Variants in CSMD3 observed in about 807,000 individuals in gnomAD.
CSMD3 encodes the protein CUB and sushi domain-containing protein 3.
Under a neutral mutation model 435.2 loss-of-function variants are expected in CSMD3, and 177 were observed. The ratio of observed to expected loss-of-function variants is 0.41; its 90% CI spans 0.36 to 0.46. The LOEUF (loss-of-function observed/expected upper bound fraction) is 0.46, where lower values mean the gene tolerates loss of function less well. Among genes scored for constraint, CSMD3 ranks in the 20% least tolerant of loss-of-function variants. CSMD3 has a pLI of 0.34. For synonymous variants in CSMD3, 1,656 were observed against 1,520.5 expected (o/e 1.09, Z -2.07); for missense variants, 4,265 against 4,504.6 (o/e 0.95, Z 1.52).
intron 35 of CSMD3, among the ~76,000 whole-genome samples, chr8:112,391,970 T>C (rs923564857): frequency 6.6e-6 from 1 of 152,166 alleles, no homozygotes; most frequent in African/African-American, 2.4e-5. Context: ...TCTGTGTGAC[T>C]TTGACCTGTT....
chr8:112,507,719 T>C (rs2130937341), intron 28 of CSMD3, among the ~76,000 whole-genome samples: 1 of 152,326 alleles, frequency 6.6e-6, no homozygotes. Flanking sequence ...ATTTTGATTC[T>C]GGCAACATTT....
intron 3 of CSMD3, among the ~76,000 whole-genome samples, chr8:113,259,568 G>A (rs2093410427): frequency 6.8e-6 from 1 of 147,054 alleles, no homozygotes; most frequent in South Asian, 2.2e-4. Context: ...TAGAACATGA[G>A]TGTAGGTAGA....
chr8:113,416,736 T>C (rs1482235869), intron 1 of CSMD3, among the ~76,000 whole-genome samples: 1 of 152,150 alleles, frequency 6.6e-6, no homozygotes, highest in Non-Finnish European at 1.5e-5. Context: ...TAGTGAATTA[T>C]AAAGCTTTCA....
At position 113,164,374 on chromosome 8, in the gene CSMD3, G is replaced by A. The variant is rs969167851; in HGVS notation, c.709+9348C>T. Among the ~76,000 whole-genome samples, 9 of 150,602 alleles carry A rather than the reference G, an allele frequency of 6.0e-5. No individual in the cohort carries two copies. In the South Asian group the frequency reaches 1.5e-3, roughly 24 times the overall value. On this transcript the variant is annotated intron_variant, in intron 4 of 70. Coordinates refer to ENST00000297405, the MANE Select transcript of CSMD3 (RefSeq NM_198123.2). ...TACTATAGTAACTTCAACAAATGTCGGGAGCAGTAAATGGAAATTGCCTTG... is the reference window on the plus strand; with the variant it reads ...TACTATAGTAACTTCAACAAATGTCAGGAGCAGTAAATGGAAATTGCCTTG...
chr8:112,829,740 G>A lies in CSMD3; in HGVS notation c.1805C>T (p.Thr602Ile), dbSNP rs754805822. ...EEFDLEIGYD[T>I]LTIGDGGEVG... ...TTCGCCCCCATCGCCAATTGTCAAG[G>A]TATCATAGCCAATCTCCAGATCAAA... Residue 602 changes from threonine (T) to isoleucine (I), a missense_variant, in exon 12 of 71, where the codon ACC (threonine) becomes ATC (isoleucine). Thr to Ile is a moderately conservative substitution (Grantham distance 89). Transcript: ENST00000297405. 8.7e-6 allele frequency: 14 copies of A among 1,613,166 alleles called. No individual in the cohort carries two copies. Among genetic ancestry groups the A allele is most frequent in the Non-Finnish European group, 1.0e-5 (12 of 1,179,450 alleles).
At chr8:113,223,713 CT>C (rs549230261) in intron 3 of CSMD3, among the ~76,000 whole-genome samples, 64 of 148,084 alleles carry the variant, frequency 4.3e-4, no homozygotes, top group African/African-American at 1.4e-3. Context: ...ATATCAGGCA[CT>C]TTTTAAGGCA....
intron 31 of CSMD3, among the ~76,000 whole-genome samples, chr8:112,477,313 T>C (rs866333474): frequency 6.6e-6 from 1 of 152,194 alleles, no homozygotes; most frequent in Non-Finnish European, 1.5e-5. Context: ...ATATATCCAA[T>C]GGTAAGATGC....
chr8:113,235,153 C>T (rs973780606), intron 3 of CSMD3, among the ~76,000 whole-genome samples: 7 of 152,102 alleles, frequency 4.6e-5, no homozygotes, highest in African/African-American at 1.7e-4. Context: ...ATAGTAGATA[C>T]AGCAGTCATT....
chr8:112,241,846 AC>A lies in CSMD3; in HGVS notation c.10403-62del. 8.2e-6 allele frequency: 6 copies of A among 735,858 alleles called. No individual in the cohort carries two copies. In the East Asian group the frequency reaches 1.4e-4, roughly 17 times the overall value. The allele number at this position is 735,858 out of a possible 1,614,324, so 45.6% of individuals were successfully genotyped here. On this transcript the variant is annotated intron_variant, in intron 65 of 70. Transcript: ENST00000297405. ...TGCAATTAATTACATACACATGCGC[AC>A]ACACACACACGCACACACACACACA...
At chr8:112,582,708 C>A (rs1384203198) in intron 23 of CSMD3, among the ~76,000 whole-genome samples, 1 of 151,832 alleles carries the variant, frequency 6.6e-6, no homozygotes, top group African/African-American at 2.4e-5. Flanking sequence ...TATTTGTGTC[C>A]CCCCAAATTT....
chr8:112,314,621 T>G lies in CSMD3; in HGVS notation c.7361-4A>C, dbSNP rs1469267241. 1 of 1,607,164 alleles carries G rather than the reference T, an allele frequency of 6.2e-7. No homozygotes were observed. The highest frequency in any genetic ancestry group is 1.3e-5 in the African/African-American group (1 of 74,856). On this transcript the variant is annotated splice_region_variant and splice_polypyrimidine_tract_variant and intron_variant, in intron 47 of 70. Coordinates refer to ENST00000297405, the MANE Select transcript of CSMD3 (RefSeq NM_198123.2). The stretch of plus-strand genomic sequence containing the variant: ...AATTCATTGGCAGGACAGAGCACTG[T>G]CAAAGAAAAATGTCATTAAATAATG...
intron 47 of CSMD3, among the ~76,000 whole-genome samples, chr8:112,317,695 C>T (rs1009611623): frequency 1.3e-5 from 2 of 152,002 alleles, no homozygotes; most frequent in African/African-American, 4.8e-5. Flanking sequence ...CTCACATTGG[C>T]TCCAATTTAT....
intron 1 of CSMD3, among the ~76,000 whole-genome samples, chr8:113,343,819 C>G (rs910698253): frequency 6.6e-6 from 1 of 152,122 alleles, no homozygotes; most frequent in Non-Finnish European, 1.5e-5. Flanking sequence ...TGCCTGTAAT[C>G]CCAGCACTTT....
intron 5 of CSMD3, among the ~76,000 whole-genome samples, chr8:113,035,599 A>G (rs1205215585): frequency 4.6e-5 from 7 of 152,036 alleles, no homozygotes; most frequent in Non-Finnish European, 1.0e-4. Context: ...GTCAAAATAC[A>G]TAATGTTTTA....
chr8:112,224,638 C>T lies in CSMD3; in HGVS notation c.*133G>A, dbSNP rs1812406899. The stretch of plus-strand genomic sequence containing the variant: ...GTCCAGTTTATGAAAAAACACTCTT[C>T]TGTATCATTCCTCAGGAAAAGGTGA... On this transcript the variant is annotated 3_prime_UTR_variant, in exon 71 of 71. Coordinates refer to ENST00000297405, the MANE Select transcript of CSMD3 (RefSeq NM_198123.2). 2.3e-6 allele frequency: 2 copies of T among 859,926 alleles called. No individual in the cohort carries two copies. The highest frequency in any genetic ancestry group is 3.3e-5 in the African/African-American group (2 of 60,576). The allele number at this position is 859,926 out of a possible 1,614,324, so 53.3% of individuals were successfully genotyped here.
intron 13 of CSMD3, among the ~76,000 whole-genome samples, chr8:112,766,123 GT>G (rs2077972659): frequency 2.0e-5 from 3 of 151,612 alleles, no homozygotes; most frequent in South Asian, 4.1e-4. Flanking sequence ...CTCTCCACAG[GT>G]GGAGAGGAGT....
intron 13 of CSMD3, among the ~76,000 whole-genome samples, chr8:112,720,315 CTTTTCTTTTCT>C (rs1453026593): frequency 4.3e-5 from 3 of 69,462 alleles, no homozygotes; most frequent in Admixed American, 2.6e-4. Flanking sequence ...TTTTTCTTTT[CTTTTCTTTTCT>C]TTTTTTTTCC....
chr8:112,651,576 C>T (rs56297523), intron 18 of CSMD3, among the ~76,000 whole-genome samples: 28,981 of 146,328 alleles, frequency 0.2, 3,005 homozygotes, highest in Middle Eastern at 0.39. Context: ...CTCGCTTTGT[C>T]GCCCAGGCTG....
At chr8:112,785,531 C>T (rs2078516159) in intron 13 of CSMD3, among the ~76,000 whole-genome samples, 1 of 151,950 alleles carries the variant, frequency 6.6e-6, no homozygotes, top group East Asian at 1.9e-4. Flanking sequence ...TACCAAAAAC[C>T]TGTTAGAACT....
Sources: allele counts gnomAD v4.1 joint callset (sites outside exome capture counted in the v4.1 genomes callset), GRCh38; gene constraint gnomAD v4.1.1; transcripts MANE v1.5; gene names NCBI Gene and HGNC (gene_info 2026-07-23, HGNC 2026-07-21).